SEMA6A: variants seen among roughly 807,000 people sequenced by gnomAD.
The protein encoded by SEMA6A is semaphorin 6A.
SEMA6A carries 25 observed loss-of-function variants against 96.8 expected under a neutral mutation model. That is an observed-to-expected ratio of 0.26 (90% CI 0.19 to 0.36). SEMA6A has a LOEUF of 0.36. Among genes scored for constraint, SEMA6A ranks in the 10% least tolerant of loss-of-function variants. The pLI, the probability that SEMA6A is intolerant of heterozygous loss-of-function variation, is 1.00. For missense variants in SEMA6A, 1,363 were observed against 1,323.1 expected (o/e 1.03, Z -0.47); for synonymous variants, 612 against 518.0 (o/e 1.18, Z -2.46).
intron 17 of SEMA6A, chr5:116,471,329 T>A (rs1001953037): frequency 2.0e-5 from 3 of 152,186 alleles, no homozygotes; most frequent in Admixed American, 6.5e-5. Flanking sequence ...CATAAGAGTA[T>A]CTCATAGTTT....
At chr5:116,507,228 G>A (rs556080503) in intron 1 of SEMA6A, among the ~76,000 whole-genome samples, 3 of 152,314 alleles carry the variant, frequency 2.0e-5, no homozygotes, top group African/African-American at 7.2e-5. Context: ...TCATACGGGT[G>A]AAAGTGCTCT....
intron 1 of SEMA6A, among the ~76,000 whole-genome samples, chr5:116,559,651 T>G (rs1439148575): frequency 6.6e-6 from 1 of 152,208 alleles, no homozygotes; most frequent in Non-Finnish European, 1.5e-5. Flanking sequence ...ATGTGTCACT[T>G]AAATACGGTT....
intron 11 of SEMA6A, 65 bp downstream of exon 11, chr5:116,482,378 AT>A (rs1420329940): frequency 6.5e-7 from 1 of 1,535,822 alleles, no homozygotes; most frequent in Non-Finnish European, 8.9e-7. Flanking sequence ...TAGGATGTTC[AT>A]TATCAGAGGT....
At chr5:116,480,584 T>C (rs1161001252) in intron 11 of SEMA6A, among the ~76,000 whole-genome samples, 1 of 152,064 alleles carries the variant, frequency 6.6e-6, no homozygotes, top group Non-Finnish European at 1.5e-5. Flanking sequence ...TGAGTGAGTG[T>C]GGTTTGCACA....
intron 3 of SEMA6A, among the ~76,000 whole-genome samples, chr5:116,498,297 C>T (rs1231963036): frequency 6.6e-6 from 1 of 152,186 alleles, no homozygotes; most frequent in East Asian, 1.9e-4. Context: ...AAATTACCCA[C>T]AGCTTTAAAC....
chr5:116,552,208 TG>T (rs1217609195), intron 1 of SEMA6A, among the ~76,000 whole-genome samples: 1 of 151,956 alleles, frequency 6.6e-6, no homozygotes, highest in Non-Finnish European at 1.5e-5. Flanking sequence ...ACGCTTCCTC[TG>T]ATGTACACAT....
At chr5:116,546,700 C>T (rs1407236306) in intron 1 of SEMA6A, among the ~76,000 whole-genome samples, 1 of 152,116 alleles carries the variant, frequency 6.6e-6, no homozygotes, top group Non-Finnish European at 1.5e-5. Flanking sequence ...GCCATCAGAC[C>T]ACTGCCTGGA....
chr5:116,557,253 A>C (rs1484070008), intron 1 of SEMA6A, among the ~76,000 whole-genome samples: 1 of 152,228 alleles, frequency 6.6e-6, no homozygotes, highest in Non-Finnish European at 1.5e-5. Flanking sequence ...TTTGAGACAG[A>C]GTCTCATTCT....
chr5:116,515,909 A>T (rs189603990), intron 1 of SEMA6A, among the ~76,000 whole-genome samples: 182 of 152,316 alleles, frequency 1.2e-3, no homozygotes, highest in Non-Finnish European at 1.8e-3. Flanking sequence ...TAACAATGTC[A>T]TCAGTCACGA....
rs541714306 is a variant in SEMA6A at position 116,463,120 on chromosome 5, C to CTCTT, written c.1894+4459_1894+4462dup. Among the ~76,000 whole-genome samples the CTCTT allele has an allele frequency of 1.6e-4, 25 of 152,296 alleles. No homozygotes were observed. The East Asian group carries it at 4.6e-3, about 28-fold the overall frequency. ...AAAGCCCCAGTGTAAACCCTATTCTCTCTTTGTCAAAAAGAGATAGTAGCA... is the reference window on the plus strand; with the variant it reads ...AAAGCCCCAGTGTAAACCCTATTCTCTCTTTCTTTGTCAAAAAGAGATAGTAGCA... On this transcript the variant is annotated intron_variant, in intron 18 of 18. Coordinates refer to ENST00000343348, the MANE Select transcript of SEMA6A (RefSeq NM_020796.5).
intron 1 of SEMA6A, among the ~76,000 whole-genome samples, chr5:116,505,185 A>G (rs1758086990): frequency 6.6e-6 from 1 of 152,126 alleles, no homozygotes; most frequent in Non-Finnish European, 1.5e-5. Context: ...GCCCTTTTGC[A>G]AAGTTTCTCC....
chr5:116,453,245 G>A (rs1031286331), intron 18 of SEMA6A, among the ~76,000 whole-genome samples: 2 of 152,110 alleles, frequency 1.3e-5, no homozygotes, highest in East Asian at 3.9e-4. Flanking sequence ...CTCTCTGCCT[G>A]GAATGTCCCT....
intron 1 of SEMA6A, among the ~76,000 whole-genome samples, chr5:116,545,165 T>C (rs1367373895): frequency 6.6e-6 from 1 of 152,222 alleles, no homozygotes. Flanking sequence ...CTCTGGCTCA[T>C]ATCCCTGCTC....
chr5:116,495,545 T>G, intron 5 of SEMA6A, 31 bp from the exon 6 acceptor site: 1 of 1,468,028 alleles, frequency 6.8e-7, no homozygotes, highest in South Asian at 1.2e-5. Flanking sequence ...TTTTGTATCA[T>G]GTCCATTCAG....
Position 116,480,263 on chromosome 5 carries a change from G to T in SEMA6A, c.1109C>A (p.Ala370Asp), listed in dbSNP as rs1347249588. Reference protein sequence around the residue: ...RVPKPRPGCCAGSSSLERYAT... With the variant: ...RVPKPRPGCCDGSSSLERYAT... ...ATATCTTTCTAAGGAGGATGAGCCA[G>T]CACAGCAACCTGGCCTAAAATGAAA... The change falls in exon 12 of 19, where the codon GCT becomes GAT. Residue 370 changes from alanine to aspartate, a missense_variant. Coordinates refer to ENST00000343348, the MANE Select transcript of SEMA6A (RefSeq NM_020796.5). 8.1e-6 allele frequency: 13 copies of T among 1,613,628 alleles called. No homozygotes were observed. The highest frequency in any genetic ancestry group is 1.1e-5 in the Non-Finnish European group (13 of 1,179,730).
At chr5:116,462,966 AG>A (rs2112631714) in intron 18 of SEMA6A, among the ~76,000 whole-genome samples, 1 of 152,296 alleles carries the variant, frequency 6.6e-6, no homozygotes, top group South Asian at 2.1e-4. Flanking sequence ...TGTATTTCAA[AG>A]GGAAACTTGA....
chr5:116,559,593 A>G (rs894701922), intron 1 of SEMA6A, among the ~76,000 whole-genome samples: 2 of 152,148 alleles, frequency 1.3e-5, no homozygotes, highest in African/African-American at 2.4e-5. Flanking sequence ...GTTCGGACCA[A>G]TACAAGAGCC....
intron 1 of SEMA6A, among the ~76,000 whole-genome samples, chr5:116,528,005 C>T (rs1256119876): frequency 6.6e-6 from 1 of 152,110 alleles, no homozygotes; most frequent in Admixed American, 6.5e-5. Context: ...ACAACTTTTG[C>T]AAGACATAAG....
chr5:116,550,248 T>C (rs1235466574), intron 1 of SEMA6A: 1 of 152,190 alleles, frequency 6.6e-6, no homozygotes, highest in African/African-American at 2.4e-5. Flanking sequence ...AATCAACATA[T>C]CTACTGAAGG....
Sources: gnomAD v4.1 joint callset for allele counts (sites outside exome capture counted in the v4.1 genomes callset) on GRCh38, gnomAD v4.1.1 for gene constraint, MANE v1.5 for transcripts, NCBI Gene and HGNC (gene_info 2026-07-23, HGNC 2026-07-21) for gene names.